The following STXBP6 variants were observed in gnomAD, a reference collection of about 807,000 sequenced individuals.
STXBP6 encodes the protein syntaxin binding protein 6.
A neutral mutation model predicts 26.9 loss-of-function variants in STXBP6; 21 were observed. The ratio of observed to expected loss-of-function variants is 0.78; its 90% CI spans 0.55 to 1.12. STXBP6 has a LOEUF of 1.12. Ranked by LOEUF, STXBP6 falls within the 50% of genes most tolerant of loss-of-function variation. The probability of loss-of-function intolerance (pLI) is 0.00; values close to 1 mark genes in which losing one functional copy is unlikely to be tolerated. For missense variants in STXBP6, 232 were observed against 257.9 expected (o/e 0.90, Z 0.69); for synonymous variants, 97 against 92.6 (o/e 1.05, Z -0.27).
At chr14:24,832,192 G>A (rs2068473924) in intron 4 of STXBP6, among the ~76,000 whole-genome samples, 1 of 152,072 alleles carries the variant, frequency 6.6e-6, no homozygotes, top group Non-Finnish European at 1.5e-5. Context: ...ATACTACCTA[G>A]CTTTGGTTTC....
chr14:24,828,449 G>A (rs2068353681), intron 4 of STXBP6, among the ~76,000 whole-genome samples: 1 of 152,064 alleles, frequency 6.6e-6, no homozygotes. Flanking sequence ...GATTATAATT[G>A]GATGCTTTAT....
Position 25,003,105 on chromosome 14 carries a change from G to T in STXBP6, c.-32-28255C>A, listed in dbSNP as rs1026731405. On this transcript the variant is annotated intron_variant, in intron 1 of 5. Coordinates refer to ENST00000323944, the MANE Select transcript of STXBP6 (RefSeq NM_001394410.1). The stretch of plus-strand genomic sequence containing the variant: ...TCTGCTTCACTGACTTTCGGCAAAA[G>T]AATCTTAAACTGACAAAAGAAGCAA... Among the ~76,000 whole-genome samples the T allele has an allele frequency of 1.2e-3, 181 of 152,310 alleles. 1 individual carries two copies. The highest frequency in any genetic ancestry group is 4.0e-3 in the African/African-American group (168 of 41,576).
chr14:25,017,391 G>A (rs2225270), intron 1 of STXBP6, among the ~76,000 whole-genome samples: 27,297 of 152,096 alleles, frequency 0.18, 3,422 homozygotes, highest in African/African-American at 0.36. Context: ...CTGGTATGAG[G>A]GAAATGCTGT....
intron 2 of STXBP6, among the ~76,000 whole-genome samples, chr14:24,947,769 T>C (rs1367435956): frequency 1.3e-5 from 2 of 152,184 alleles, no homozygotes; most frequent in Admixed American, 6.5e-5. Flanking sequence ...CATTTCCCAA[T>C]TGCAGAATGA....
At chr14:25,000,269 T>C (rs1335334805) in intron 1 of STXBP6, among the ~76,000 whole-genome samples, 1 of 151,958 alleles carries the variant, frequency 6.6e-6, no homozygotes. Context: ...TTCACCATGT[T>C]AGCCAGGATG....
At chr14:25,016,075 G>A (rs1430420711) in intron 1 of STXBP6, among the ~76,000 whole-genome samples, 1 of 152,192 alleles carries the variant, frequency 6.6e-6, no homozygotes, top group Non-Finnish European at 1.5e-5. Flanking sequence ...GAGGGCTGTT[G>A]TAATAGTTGA....
At chr14:24,894,551 A>G (rs1188257564) in intron 2 of STXBP6, among the ~76,000 whole-genome samples, 1 of 152,176 alleles carries the variant, frequency 6.6e-6, no homozygotes, top group Non-Finnish European at 1.5e-5. Context: ...TGATGAGAAG[A>G]GCCCTAAGCA....
chr14:24,942,538 G>A (rs149027132), intron 2 of STXBP6, among the ~76,000 whole-genome samples: 189 of 152,288 alleles, frequency 1.2e-3, no homozygotes, highest in Middle Eastern at 0.01. Flanking sequence ...AAAACTCATC[G>A]TGATGCATGA....
At chr14:25,024,586 C>T (rs1484427121) in intron 1 of STXBP6, among the ~76,000 whole-genome samples, 2 of 152,128 alleles carry the variant, frequency 1.3e-5, no homozygotes, top group Non-Finnish European at 2.9e-5. Context: ...TAGTAAAGGA[C>T]AATCAACAAC....
chr14:25,007,225 A>C lies in STXBP6; in HGVS notation c.-32-32375T>G, dbSNP rs1957762. Among the ~76,000 whole-genome samples the C allele has an allele frequency of 5.3e-5, 8 of 152,296 alleles. No individual in the cohort carries two copies. The East Asian group carries it at 1.3e-3, about 26-fold the overall frequency. ...TTTGTTGAACGAATACAATTGTTGG[A>C]ATTTCTATTCATCATTAGTAAGTTA... On this transcript the variant is annotated intron_variant, in intron 1 of 5. Coordinates refer to ENST00000323944, the MANE Select transcript of STXBP6 (RefSeq NM_001394410.1).
chr14:24,906,483 C>T (rs372756874), intron 2 of STXBP6, among the ~76,000 whole-genome samples: 2 of 151,992 alleles, frequency 1.3e-5, no homozygotes, highest in East Asian at 3.9e-4. Context: ...ATTTAGCTTC[C>T]TATGTTTGGG....
At chr14:25,038,589 A>G (rs952923000) in intron 1 of STXBP6, among the ~76,000 whole-genome samples, 5 of 152,232 alleles carry the variant, frequency 3.3e-5, no homozygotes, top group African/African-American at 1.2e-4. Context: ...GAAGTCAGAC[A>G]TAGGAACCCT....
At chr14:25,004,711 C>G (rs2074849481) in intron 1 of STXBP6, among the ~76,000 whole-genome samples, 1 of 152,122 alleles carries the variant, frequency 6.6e-6, no homozygotes, top group African/African-American at 2.4e-5. Flanking sequence ...CCACCTAGCA[C>G]AAGATAGGGA....
chr14:24,970,884 A>C, intron 2 of STXBP6, among the ~76,000 whole-genome samples: 1 of 152,188 alleles, frequency 6.6e-6, no homozygotes, highest in East Asian at 1.9e-4. Flanking sequence ...AGTATTTTTA[A>C]TTTTAGTCAT....
At chr14:24,923,052 A>G (rs561551640) in intron 2 of STXBP6, among the ~76,000 whole-genome samples, 62 of 152,272 alleles carry the variant, frequency 4.1e-4, no homozygotes, top group African/African-American at 1.4e-3. Flanking sequence ...AATATAAGAA[A>G]TAACCCACAG....
intron 2 of STXBP6, among the ~76,000 whole-genome samples, chr14:24,909,926 A>T (rs2071511668): frequency 6.6e-6 from 1 of 151,886 alleles, no homozygotes. Flanking sequence ...ACTAGCAAGT[A>T]TGACCTTGAG....
intron 2 of STXBP6, among the ~76,000 whole-genome samples, chr14:24,890,831 T>A (rs2070761409): frequency 6.6e-6 from 1 of 152,210 alleles, no homozygotes; most frequent in African/African-American, 2.4e-5. Context: ...TATAGAGAGA[T>A]AGGCACAAAC....
intron 1 of STXBP6, among the ~76,000 whole-genome samples, chr14:25,044,555 C>A (rs2075696810): frequency 6.6e-6 from 1 of 152,214 alleles, no homozygotes; most frequent in Non-Finnish European, 1.5e-5. Flanking sequence ...ACTCCTGCAA[C>A]CAGCTGTCCA....
chr14:25,031,417 A>C (rs1463942602), intron 1 of STXBP6, among the ~76,000 whole-genome samples: 2 of 152,218 alleles, frequency 1.3e-5, no homozygotes, highest in East Asian at 3.8e-4. Context: ...GAAAGATGAG[A>C]GTACAGGAGG....
Sources: allele counts gnomAD v4.1 joint callset (sites outside exome capture counted in the v4.1 genomes callset), GRCh38; gene constraint gnomAD v4.1.1; transcripts MANE v1.5; gene names NCBI Gene and HGNC (gene_info 2026-07-23, HGNC 2026-07-21).